The following RIN3 variants were observed in gnomAD, a reference collection of about 807,000 sequenced individuals.
The protein encoded by RIN3 is RAB5 interacting protein 3.
RIN3 carries 54 observed loss-of-function variants against 76.3 expected under a neutral mutation model. The ratio of observed to expected loss-of-function variants is 0.71; its 90% CI spans 0.57 to 0.89. The LOEUF (loss-of-function observed/expected upper bound fraction) is 0.89, where lower values mean the gene tolerates loss of function less well. RIN3 is among the 40% of genes least tolerant of loss of function. The probability of loss-of-function intolerance (pLI) is 0.00; values close to 1 mark genes in which losing one functional copy is unlikely to be tolerated. For missense variants in RIN3, 1,256 were observed against 1,322.1 expected (o/e 0.95, Z 0.78); for synonymous variants, 576 against 564.0 (o/e 1.02, Z -0.30).
At chr14:92,589,805 C>T (rs1884916214) in intron 3 of RIN3, among the ~76,000 whole-genome samples, 1 of 152,210 alleles carries the variant, frequency 6.6e-6, no homozygotes, top group Non-Finnish European at 1.5e-5. Flanking sequence ...AACCTGGCTT[C>T]TGTCCGGTCT....
At position 92,651,963 on chromosome 14, in the gene RIN3, C is replaced by A. The variant is rs1169761233; in HGVS notation, c.914C>A (p.Pro305His). The stretch of plus-strand genomic sequence containing the variant: ...CCCCCTGTGCTCCCTGCTCTTGCCC[C>A]CGCCCCTGCCTGTCCTTTGCCCACC... ...AQPPVLPALAPAPACPLPTSP... is the reference protein window; with the variant it reads ...AQPPVLPALAHAPACPLPTSP... Residue 305 changes from proline (P) to histidine (H), a missense_variant, in exon 6 of 10, where the codon CCC becomes CAC. This residue lies in a region of RIN3 where 610 missense variants were observed against 626.4 expected (regional missense o/e 0.97). Coordinates refer to ENST00000216487, the MANE Select transcript of RIN3 (RefSeq NM_024832.5). 1 of 1,529,954 alleles carries A rather than the reference C, an allele frequency of 6.5e-7. No homozygotes were observed. Among genetic ancestry groups the A allele is most frequent in the Non-Finnish European group, 8.8e-7 (1 of 1,132,412 alleles). 94.8% of individuals were successfully genotyped at this position (1,529,954 alleles called of 1,614,324 possible). A position where few individuals can be genotyped will look rare whatever the true frequency, so the allele number is the denominator to read the frequency against.
intron 2 of RIN3, among the ~76,000 whole-genome samples, chr14:92,556,388 C>A (rs558946185): frequency 6.6e-6 from 1 of 152,072 alleles, no homozygotes; most frequent in South Asian, 2.1e-4. Context: ...AAATAAGGGG[C>A]TGTGTGATGG....
intron 8 of RIN3, among the ~76,000 whole-genome samples, chr14:92,680,285 C>T (rs575499544): frequency 7.2e-4 from 109 of 151,938 alleles, no homozygotes; most frequent in African/African-American, 2.2e-3. Flanking sequence ...CTGCAACCTC[C>T]GCCTCCCAGG....
Position 92,651,238 on chromosome 14 carries a change from G to A in RIN3, c.533-344G>A, listed in dbSNP as rs976496232. Among the ~76,000 whole-genome samples, 4 of 151,996 alleles carry A rather than the reference G, an allele frequency of 2.6e-5. No individual in the cohort carries two copies. In the East Asian group the frequency reaches 5.8e-4, roughly 22 times the overall value. On this transcript the variant is annotated intron_variant, in intron 5 of 9. Coordinates refer to ENST00000216487, the MANE Select transcript of RIN3 (RefSeq NM_024832.5). ...TGTGCTCTCACCATGCCTTCCCCAC[G>A]GCTCCAGAGCACAGTGTTGTCACCC...
intron 3 of RIN3, among the ~76,000 whole-genome samples, chr14:92,613,761 C>A (rs1237877608): frequency 1.3e-5 from 2 of 152,198 alleles, no homozygotes; most frequent in Non-Finnish European, 2.9e-5. Flanking sequence ...GGCTCAGAGC[C>A]AGACCTGGAA....
At position 92,555,852 on chromosome 14, in the gene RIN3, G is replaced by T; in HGVS notation, c.146G>T (p.Gly49Val). The T allele has an allele frequency of 6.2e-7, 1 of 1,614,166 alleles. No individual in the cohort carries two copies. The highest frequency in any genetic ancestry group is 8.5e-7 in the Non-Finnish European group (1 of 1,180,032). ...AAAAACTGCCTTCCTCACCGCCGGG[G>T]CATCAGCATCCTGGAGAAGCTCATC... ...NPKNCLPHRR[G>V]ISILEKLIKT... is the part of the protein sequence containing the mutation. Residue 49 changes from glycine (G) to valine (V), a missense_variant, in exon 2 of 10, where the codon GGC becomes GTC. By Grantham distance (109) the Gly-to-Val change is moderately radical (BLOSUM62 -3). Coordinates refer to ENST00000216487, the MANE Select transcript of RIN3 (RefSeq NM_024832.5).
chr14:92,616,028 G>A (rs1885949153), intron 4 of RIN3: 2 of 153,514 alleles, frequency 1.3e-5, no homozygotes, highest in Admixed American at 1.3e-4. Context: ...AAATGGGGTG[G>A]TATGTGTTGG....
chr14:92,687,795 C>A, intron 9 of RIN3, 131 bp from the exon 10 acceptor site: 1 of 787,616 alleles, frequency 1.3e-6, no homozygotes, highest in Admixed American at 3.5e-5. Context: ...ACGGGAAAGG[C>A]GCAGGTGCCG....
At chr14:92,612,490 T>C (rs1885780137) in intron 3 of RIN3, among the ~76,000 whole-genome samples, 1 of 152,224 alleles carries the variant, frequency 6.6e-6, no homozygotes, top group Admixed American at 6.5e-5. Flanking sequence ...TCCAAGACCC[T>C]GTCCGTGATG....
intron 4 of RIN3, among the ~76,000 whole-genome samples, chr14:92,621,204 C>A (rs1886165957): frequency 8.9e-6 from 1 of 112,894 alleles, no homozygotes. Context: ...CCACTGCACT[C>A]CAGCCTGGGT....
At chr14:92,556,108 A>T (rs1392557590) in intron 2 of RIN3, among the ~76,000 whole-genome samples, 153 bp downstream of exon 2, 2 of 152,108 alleles carry the variant, frequency 1.3e-5, no homozygotes, top group African/African-American at 4.8e-5. Context: ...TTTTGACCAC[A>T]ATTTTCTCCC....
chr14:92,623,527 C>G lies in RIN3; in HGVS notation c.440+8048C>G, dbSNP rs1309560911. 6.6e-6 allele frequency among the ~76,000 whole-genome samples: 1 copy of G among 152,058 alleles called. No homozygotes were observed. The highest frequency in any genetic ancestry group is 2.4e-5 in the African/African-American group (1 of 41,386). On this transcript the variant is annotated intron_variant, in intron 4 of 9. Coordinates refer to ENST00000216487, the MANE Select transcript of RIN3 (RefSeq NM_024832.5). The surrounding 1 kb of genome is among the most constrained non-coding windows in gnomAD (Gnocchi z 4.9). ...CTCGGGCTTTGAATCTATCAGGTAC[C>G]CCCTGTGGGACTCCAATTTCATCTA...
chr14:92,525,849 G>A (rs1015399764), intron 1 of RIN3, among the ~76,000 whole-genome samples: 1 of 152,202 alleles, frequency 6.6e-6, no homozygotes, highest in Non-Finnish European at 1.5e-5. Flanking sequence ...GGAGTGATAG[G>A]CAGTGCTGTG....
intron 7 of RIN3, among the ~76,000 whole-genome samples, chr14:92,660,357 C>T (rs552551505): frequency 6.6e-6 from 1 of 152,136 alleles, no homozygotes; most frequent in Admixed American, 6.6e-5. Context: ...TCTGGGACGG[C>T]CTTGCCCACA....
chr14:92,624,746 A>G (rs1006170584), intron 4 of RIN3, among the ~76,000 whole-genome samples: 1 of 152,180 alleles, frequency 6.6e-6, no homozygotes, highest in Non-Finnish European at 1.5e-5. Context: ...AGCACAAGGA[A>G]AGAAGAAGGA....
intron 5 of RIN3, among the ~76,000 whole-genome samples, chr14:92,649,576 G>A (rs986224403): frequency 3.9e-5 from 6 of 152,194 alleles, no homozygotes; most frequent in Non-Finnish European, 7.3e-5. Flanking sequence ...CACTGCAGGG[G>A]CCAGAACATG....
At chr14:92,651,512 A>AACCCC in intron 5 of RIN3, 70 bp from the exon 6 acceptor site, 6 of 741,942 alleles carry the variant, frequency 8.1e-6, no homozygotes, top group Admixed American at 2.6e-5. Context: ...CCGCCCACAG[A>AACCCC]CCCCGCCCAG....
intron 1 of RIN3, chr14:92,515,499 T>G (rs191811329): frequency 4.1e-6 from 2 of 483,332 alleles, no homozygotes; most frequent in South Asian, 3.7e-5. Context: ...AATAAAATGA[T>G]AAATAATAGT....
chr14:92,630,337 G>A (rs935410888), intron 4 of RIN3, among the ~76,000 whole-genome samples: 3 of 152,110 alleles, frequency 2.0e-5, no homozygotes, highest in African/African-American at 7.2e-5. Flanking sequence ...ACTAAAAATG[G>A]AAAAATTAGC....
Sources: allele counts gnomAD v4.1 joint callset (sites outside exome capture counted in the v4.1 genomes callset), GRCh38; gene constraint gnomAD v4.1.1; regional missense constraint gnomAD v4.1.1; non-coding constraint Gnocchi (gnomAD v3.1); transcripts MANE v1.5; gene names NCBI Gene and HGNC (gene_info 2026-07-23, HGNC 2026-07-21).